Variants in GUCY1A2 observed in about 807,000 individuals in gnomAD.
GUCY1A2 encodes the protein guanylate cyclase soluble subunit alpha-2.
GUCY1A2 carries 27 observed loss-of-function variants against 63.5 expected under a neutral mutation model. The observed-to-expected ratio is 0.43, with a 90% CI of 0.31 to 0.59. GUCY1A2 has a LOEUF of 0.59. Among genes scored for constraint, GUCY1A2 ranks in the 20% least tolerant of loss-of-function variants. The pLI is 0.11. For missense variants in GUCY1A2, 768 were observed against 913.3 expected (o/e 0.84, Z 2.05); for synonymous variants, 364 against 343.5 (o/e 1.06, Z -0.66).
chr11:106,960,633 G>A (rs1271245221), intron 3 of GUCY1A2, among the ~76,000 whole-genome samples: 1 of 152,098 alleles, frequency 6.6e-6, no homozygotes, highest in Admixed American at 6.5e-5. Context: ...CTCATTAATG[G>A]GGAAATGTAG....
chr11:106,795,309 C>T (rs1161069602), intron 5 of GUCY1A2, among the ~76,000 whole-genome samples: 1 of 152,122 alleles, frequency 6.6e-6, no homozygotes, highest in African/African-American at 2.4e-5. Context: ...TTATATTAAG[C>T]AGAGGGCTGA....
rs183210262 is a variant in GUCY1A2 at position 106,765,025 on chromosome 11, G to C, written c.1836+11414C>G. Among the ~76,000 whole-genome samples, 3 of 151,186 alleles carry C rather than the reference G, an allele frequency of 2.0e-5. No homozygotes were observed. The East Asian group carries it at 5.9e-4, about 30-fold the overall frequency. Reference sequence around the variant, plus strand: ...GTGCATAAAGACATGGCACAAGTCTGACATCTGGAAAGTGTCCAGTATGCA... The same window carrying C: ...GTGCATAAAGACATGGCACAAGTCTCACATCTGGAAAGTGTCCAGTATGCA... On this transcript the variant is annotated intron_variant, in intron 6 of 7. Transcript: ENST00000526355.
At chr11:106,730,387 G>C (rs914603639) in intron 6 of GUCY1A2, among the ~76,000 whole-genome samples, 3 of 151,892 alleles carry the variant, frequency 2.0e-5, no homozygotes, top group African/African-American at 7.2e-5. Context: ...CTGTTCCTGT[G>C]TTAGTTCACT....
intron 4 of GUCY1A2, among the ~76,000 whole-genome samples, chr11:106,852,784 T>C (rs1452424942): frequency 6.6e-6 from 1 of 152,154 alleles, no homozygotes; most frequent in Non-Finnish European, 1.5e-5. Context: ...CTTGTGTCCT[T>C]GCCTGCTTTT....
At chr11:106,885,226 C>T (rs965543172) in intron 4 of GUCY1A2, among the ~76,000 whole-genome samples, 1 of 152,134 alleles carries the variant, frequency 6.6e-6, no homozygotes. Context: ...TAGTGGGATT[C>T]TCTGATTATT....
chr11:106,691,909 A>G (rs561348269), intron 7 of GUCY1A2, among the ~76,000 whole-genome samples: 2 of 152,186 alleles, frequency 1.3e-5, no homozygotes, highest in South Asian at 2.1e-4. Context: ...TGCAATATTC[A>G]GTTGACTTCC....
At chr11:106,919,922 C>T (rs536500926) in intron 4 of GUCY1A2, among the ~76,000 whole-genome samples, 9 of 152,058 alleles carry the variant, frequency 5.9e-5, no homozygotes, top group Non-Finnish European at 1.0e-4. Context: ...GCTTTACTCA[C>T]AAGGACAACT....
chr11:106,760,940 CTGA>C (rs1864056196), intron 6 of GUCY1A2, among the ~76,000 whole-genome samples: 1 of 152,144 alleles, frequency 6.6e-6, no homozygotes, highest in African/African-American at 2.4e-5. Flanking sequence ...TAGTAATACT[CTGA>C]TAATAAAGAA....
intron 4 of GUCY1A2, among the ~76,000 whole-genome samples, chr11:106,930,390 T>C (rs1860585054): frequency 6.6e-6 from 1 of 152,204 alleles, no homozygotes; most frequent in South Asian, 2.1e-4. Flanking sequence ...AGTGGTGCGA[T>C]CCTGGCTCAT....
intron 4 of GUCY1A2, among the ~76,000 whole-genome samples, chr11:106,884,333 T>C (rs1213039998): frequency 1.3e-5 from 2 of 152,166 alleles, no homozygotes; most frequent in Non-Finnish European, 2.9e-5. Flanking sequence ...CAAAAACCAA[T>C]TAACTTGTAG....
chr11:106,942,506 C>G (rs2119985337), intron 3 of GUCY1A2, among the ~76,000 whole-genome samples: 1 of 151,688 alleles, frequency 6.6e-6, no homozygotes, highest in Non-Finnish European at 1.5e-5. Flanking sequence ...ATAAAAATTC[C>G]TATAAACTGA....
chr11:106,694,155 C>G (rs1053740974), intron 7 of GUCY1A2, among the ~76,000 whole-genome samples: 1 of 152,090 alleles, frequency 6.6e-6, no homozygotes, highest in African/African-American at 2.4e-5. Context: ...TCCAATCATT[C>G]CTATGGGATT....
intron 4 of GUCY1A2, among the ~76,000 whole-genome samples, chr11:106,847,438 A>G (rs1346869764): frequency 6.6e-6 from 1 of 151,462 alleles, no homozygotes; most frequent in East Asian, 1.9e-4. Context: ...CCCAAAGGAA[A>G]TAATCAATAC....
At chr11:106,732,436 C>T (rs1000477429) in intron 6 of GUCY1A2, among the ~76,000 whole-genome samples, 5 of 152,174 alleles carry the variant, frequency 3.3e-5, no homozygotes, top group Admixed American at 3.3e-4. Context: ...AAGTTAGCTT[C>T]ATAAGACATT....
In GUCY1A2 at chr11:106,810,235, C is replaced by T. The variant is rs776789438; in HGVS notation, c.1450G>A (p.Glu484Lys). The T allele has an allele frequency of 1.5e-5, 25 of 1,613,970 alleles. No homozygotes were observed. The highest frequency in any genetic ancestry group is 2.1e-5 in the Non-Finnish European group (25 of 1,179,922). Residue 484 changes from glutamate to lysine, a missense_variant, in exon 5 of 8, where the codon GAA becomes AAA. Physicochemically the swap from Glu to Lys is moderately conservative, Grantham distance 56 (BLOSUM62 1). Around this residue, in one of 3 missense-constraint regions of GUCY1A2, gnomAD observed 122 missense variants for 238.1 expected, o/e 0.51. Coordinates refer to ENST00000526355, the MANE Select transcript of GUCY1A2 (RefSeq NM_000855.3). ...ATLERTHQAL[E>K]EEKKKTVDLL... ...TCCACTGTCTTCTTTTTCTCTTCTT[C>T]CAGGGCCTGGTGAGTTCTTTCTAAA...
At chr11:106,788,202 G>A (rs1236281794) in intron 5 of GUCY1A2, among the ~76,000 whole-genome samples, 1 of 151,660 alleles carries the variant, frequency 6.6e-6, no homozygotes, top group Non-Finnish European at 1.5e-5. Context: ...TATCTACTCA[G>A]ACCTTTTGTC....
At chr11:106,844,879 T>C (rs1252412917) in intron 4 of GUCY1A2, among the ~76,000 whole-genome samples, 1 of 151,762 alleles carries the variant, frequency 6.6e-6, no homozygotes. Context: ...CTTTTGCCTA[T>C]GATTCTCACA....
At chr11:106,818,123 G>C (rs1049811780) in intron 4 of GUCY1A2, among the ~76,000 whole-genome samples, 1 of 152,124 alleles carries the variant, frequency 6.6e-6, no homozygotes, top group Non-Finnish European at 1.5e-5. Context: ...TTGTGGTATG[G>C]ATTGTGGTAT....
chr11:106,849,112 G>T (rs1050552612), intron 4 of GUCY1A2, among the ~76,000 whole-genome samples: 1 of 151,292 alleles, frequency 6.6e-6, no homozygotes, highest in Non-Finnish European at 1.5e-5. Flanking sequence ...TATACAAGGT[G>T]CCATTCTATA....
Sources: gnomAD v4.1 joint callset for allele counts (sites outside exome capture counted in the v4.1 genomes callset) on GRCh38, gnomAD v4.1.1 for gene constraint, gnomAD v4.1.1 regional missense constraint, MANE v1.5 for transcripts, NCBI Gene and HGNC (gene_info 2026-07-23, HGNC 2026-07-21) for gene names.